Variants in PRDM4 observed in about 807,000 individuals in gnomAD.
PRDM4 encodes the protein PR/SET domain 4.
A neutral mutation model predicts 62.3 loss-of-function variants in PRDM4; 38 were observed. The ratio of observed to expected loss-of-function variants is 0.61; its 90% confidence interval spans 0.47 to 0.80. The LOEUF (loss-of-function observed/expected upper bound fraction) is 0.80. Among genes scored for constraint, PRDM4 ranks in the 30% least tolerant of loss-of-function variants. The pLI is 0.00. For missense variants in PRDM4, 858 were observed against 997.1 expected, an observed-to-expected ratio of 0.86 and a Z score of 1.88; for synonymous variants, 339 against 348.2, an observed-to-expected ratio of 0.97 and a Z score of 0.30.
chr12:107,744,194 A>T (rs1890615346), intron 7 of PRDM4, among the ~76,000 whole-genome samples: 1 of 152,190 alleles, frequency 6.6e-6, no homozygotes, highest in African/African-American at 2.4e-5. Flanking sequence ...ACATTTGAGG[A>T]ATGTTTTAAT....
At chr12:107,749,081 A>C in intron 5 of PRDM4, among the ~76,000 whole-genome samples, 1 of 152,126 alleles carries the variant, frequency 6.6e-6, no homozygotes. Context: ...CGTTGAGTCT[A>C]TTTGGAAGCT....
At position 107,746,368 on chromosome 12, in the gene PRDM4, T is replaced by C. The variant is rs764002577; in HGVS notation, c.1183A>G (p.Thr395Ala). The C allele has an allele frequency of 6.8e-6, 11 of 1,613,596 alleles. No individual in the cohort carries two copies. The South Asian group carries it at 1.1e-4, about 16-fold the overall frequency. ...TCTATTGGAGTGTCAGGAACAAAAG[T>C]CACTGGTCCATGTTCGGGACAGTCC... ...PSDCPEHGPVTFVPDTPIESR... is the reference protein window; with the variant it reads ...PSDCPEHGPVAFVPDTPIESR... Residue 395 changes from threonine (T) to alanine (A), a missense_variant, in exon 6 of 12, where the codon ACT becomes GCT. Thr to Ala is a moderately conservative substitution (Grantham distance 58, BLOSUM62 0). Transcript: ENST00000228437.
intron 10 of PRDM4, 74 bp from the exon 11 acceptor site, chr12:107,739,625 T>A (rs538536969): frequency 1.4e-6 from 2 of 1,444,916 alleles, no homozygotes; most frequent in South Asian, 2.6e-5. Context: ...GGCACACATA[T>A]GTGCATGCAG....
chr12:107,753,128 T>C (rs60513804), intron 4 of PRDM4, among the ~76,000 whole-genome samples: 28,183 of 152,164 alleles, frequency 0.19, 3,654 homozygotes, highest in East Asian at 0.52. Flanking sequence ...TCCCGGCACT[T>C]TGGGATGCTG....
intron 5 of PRDM4, among the ~76,000 whole-genome samples, chr12:107,749,594 T>A (rs1890826992): frequency 6.6e-6 from 1 of 152,068 alleles, no homozygotes; most frequent in Non-Finnish European, 1.5e-5. Context: ...GTTTTCTCCT[T>A]AATGCTTCCC....
rs1320102478 is a variant in PRDM4, at chr12:107,734,509, T to G, written c.2107A>C (p.Lys703Gln). 6.2e-7 allele frequency: 1 copy of G among 1,611,074 alleles called. No homozygotes were observed. The highest frequency in any genetic ancestry group is 2.2e-5 in the East Asian group (1 of 44,860). Residue 703 changes from lysine (K) to glutamine (Q), a missense_variant, in exon 12 of 12, where the codon AAG (lysine) becomes CAG (glutamine). Around this residue, in one of 3 missense-constraint regions of PRDM4, gnomAD observed 355 missense variants for 432.6 expected, o/e 0.82. Coordinates refer to ENST00000228437, the MANE Select transcript of PRDM4 (RefSeq NM_012406.4). Reference protein sequence around the residue: ...VLIHTQERQIKCPKCDKLFLR... With the variant: ...VLIHTQERQIQCPKCDKLFLR... The stretch of plus-strand genomic sequence containing the variant: ...AACAGCTTATCACACTTGGGACACT[T>G]GATCTGGCGTTCTCTAAGAGGAACA...
chr12:107,746,132 A>G, intron 6 of PRDM4, 143 bp downstream of exon 6: 1 of 989,612 alleles, frequency 1.0e-6, no homozygotes, highest in South Asian at 1.6e-5. Context: ...GGACAAGACT[A>G]ATATTCCATA....
Position 107,742,226 on chromosome 12 carries a change from T to A in PRDM4, c.1604A>T (p.Gln535Leu). The A allele has an allele frequency of 3.1e-6, 5 of 1,612,790 alleles. No homozygotes were observed. The highest frequency in any genetic ancestry group is 4.2e-6 in the Non-Finnish European group (5 of 1,179,310). ...LFYYSRDYAQQIGVPEHPDVH... is the reference protein window; with the variant it reads ...LFYYSRDYAQLIGVPEHPDVH... The stretch of plus-strand genomic sequence containing the variant: ...ATAAACACATATTAACTTACCAATC[T>A]GTTGAGCATAATCTCGGCTATAATA... The change falls in exon 9 of 12, where the codon CAG becomes CTG. Residue 535 changes from glutamine (Q) to leucine (L), a missense_variant. Gln to Leu is a moderately radical substitution (Grantham distance 113). Around this residue, in one of 3 missense-constraint regions of PRDM4, gnomAD observed 355 missense variants for 432.6 expected, o/e 0.82. Coordinates refer to ENST00000228437, the MANE Select transcript of PRDM4 (RefSeq NM_012406.4).
intron 5 of PRDM4, among the ~76,000 whole-genome samples, chr12:107,747,256 C>T (rs1198830076): frequency 1.3e-5 from 2 of 152,006 alleles, no homozygotes; most frequent in African/African-American, 4.8e-5. Flanking sequence ...CAATTCTGAA[C>T]TGTAAGAGGA....
At chr12:107,740,898 T>G (rs774729390) in intron 10 of PRDM4, 48 bp downstream of exon 10, 1 of 1,560,578 alleles carries the variant, frequency 6.4e-7, no homozygotes, top group African/African-American at 1.4e-5. Flanking sequence ...ACTACCGCAT[T>G]TTCTAATTGT....
intron 5 of PRDM4, among the ~76,000 whole-genome samples, chr12:107,746,887 T>C (rs1890725715): frequency 6.6e-6 from 1 of 152,220 alleles, no homozygotes; most frequent in Admixed American, 6.5e-5. Context: ...CACTAACATA[T>C]ATACCTACTC....
chr12:107,747,612 C>T (rs536657061), intron 5 of PRDM4, among the ~76,000 whole-genome samples: 1 of 152,232 alleles, frequency 6.6e-6, no homozygotes, highest in Admixed American at 6.5e-5. Context: ...ATTCTTACTA[C>T]AACTTCACTT....
chr12:107,746,424 C>T lies in PRDM4; in HGVS notation c.1127G>A (p.Trp376Ter). The T allele has an allele frequency of 1.3e-6, 2 of 1,575,872 alleles. No homozygotes were observed. The highest frequency in any genetic ancestry group is 1.7e-6 in the Non-Finnish European group (2 of 1,164,442). The change falls in exon 6 of 12, where the codon TGG (tryptophan) becomes TAG (stop). Residue 376 changes from tryptophan to a stop codon, truncating the protein, a stop_gained and splice_region_variant. Transcript: ENST00000228437. LOFTEE classifies it high-confidence loss of function. ...KENMATLFTI[W>*]CTLCDRAYPS... ...ATAGGCGCGGTCACACAGAGTACAC[C>T]CTGTAGATGGCAAATTTGAGCAATA...
intron 8 of PRDM4, 95 bp from the exon 9 acceptor site, chr12:107,742,443 G>A: frequency 1.5e-6 from 2 of 1,360,878 alleles, no homozygotes; most frequent in Non-Finnish European, 2.1e-6. Context: ...TGAAAGCTTA[G>A]GCAGAACTAT....
intron 5 of PRDM4, among the ~76,000 whole-genome samples, chr12:107,747,750 A>C (rs1014938599): frequency 6.6e-6 from 1 of 152,106 alleles, no homozygotes; most frequent in Non-Finnish European, 1.5e-5. Context: ...AACCATTCAC[A>C]AAATAGTTGG....
Position 107,741,061 on chromosome 12 carries a change from G to A in PRDM4, c.1809C>T (p.Ser603=), listed in dbSNP as rs201011792. The part of the protein sequence containing the change: ...SMCPQAFISP[S]KLHVHFMGHM... ...GACCCATAAAGTGGACATGAAGTTT[G>A]GAAGGAGAGATAAAAGCTTGGGGGC... The change falls in exon 10 of 12, where the codon TCC becomes TCT. Residue 603 remains serine, a synonymous_variant. Coordinates refer to ENST00000228437, the MANE Select transcript of PRDM4 (RefSeq NM_012406.4). The A allele has an allele frequency of 4.2e-5, 68 of 1,614,186 alleles. No individual in the cohort carries two copies. In the East Asian group the frequency reaches 1.4e-3, roughly 34 times the overall value.
At chr12:107,747,160 C>T (rs559884869) in intron 5 of PRDM4, among the ~76,000 whole-genome samples, 1 of 152,024 alleles carries the variant, frequency 6.6e-6, no homozygotes, top group African/African-American at 2.4e-5. Flanking sequence ...AAAATAGCAC[C>T]ATATTACTTC....
In PRDM4 at chr12:107,756,914, G is replaced by C; in HGVS notation, c.63C>G (p.Ser21=). The C allele has an allele frequency of 1.2e-6, 2 of 1,614,190 alleles. No individual in the cohort carries two copies. Among genetic ancestry groups the C allele is most frequent in the Non-Finnish European group, 1.7e-6 (2 of 1,180,032 alleles). ...SPVGMEQLTS[S]SVSNALPVSG... ...AGACTGGCAAGGCATTGCTCACAGA[G>C]GATGAAGTCAGCTGCTCCATCCCCA... The change falls in exon 3 of 12, where the codon TCC becomes TCG. Residue 21 remains serine, a synonymous_variant. Coordinates refer to ENST00000228437, the MANE Select transcript of PRDM4 (RefSeq NM_012406.4).
At chr12:107,745,762 A>G (rs1407278100) in intron 6 of PRDM4, among the ~76,000 whole-genome samples, 1 of 152,246 alleles carries the variant, frequency 6.6e-6, no homozygotes, top group Non-Finnish European at 1.5e-5. Context: ...AGAATAATGA[A>G]CCTAATTTTA....
Sources: gnomAD v4.1 joint callset for allele counts (sites outside exome capture counted in the v4.1 genomes callset) on GRCh38, gnomAD v4.1.1 for gene constraint, gnomAD v4.1.1 regional missense constraint, MANE v1.5 for transcripts, NCBI Gene and HGNC (gene_info 2026-07-23, HGNC 2026-07-21) for gene names.